The following PRKAR1A variants were observed in gnomAD, a reference collection of about 807,000 sequenced individuals.
The protein encoded by PRKAR1A is cAMP-dependent protein kinase type I-alpha regulatory subunit.
Under a neutral mutation model 52.0 loss-of-function variants are expected in PRKAR1A, and 3 were observed. That is an observed-to-expected ratio of 0.06 (90% confidence interval 0.03 to 0.15). PRKAR1A has a LOEUF of 0.15. Ranked by LOEUF, PRKAR1A falls within the 10% of genes least tolerant of loss-of-function variation. The probability of loss-of-function intolerance (pLI) is 1.00; values close to 1 mark genes in which losing one functional copy is unlikely to be tolerated. For synonymous variants in PRKAR1A, 188 were observed against 168.4 expected (o/e 1.12, Z -0.90); for missense variants, 240 against 477.4 (o/e 0.50, Z 4.63).
At chr17:68,529,012 T>C in intron 9 of PRKAR1A, 21 bp downstream of exon 9, 1 of 1,613,334 alleles carries the variant, frequency 6.2e-7, no homozygotes, top group Non-Finnish European at 8.5e-7. Flanking sequence ...CAGAATTTAA[T>C]ACTTGAATTT....
the PRKAR1A span, among the ~76,000 whole-genome samples, chr17:68,456,766 C>T: frequency 6.6e-6 from 1 of 152,166 alleles, no homozygotes; most frequent in African/African-American, 2.4e-5. Context: ...TTCTTCCATC[C>T]AGAGCGGGCA....
the PRKAR1A span, among the ~76,000 whole-genome samples, chr17:68,431,208 A>G: frequency 6.6e-6 from 1 of 152,188 alleles, no homozygotes; most frequent in Non-Finnish European, 1.5e-5. Flanking sequence ...TGCTGCACAG[A>G]TGGTCCAGGC....
intron 11 of PRKAR1A, among the ~76,000 whole-genome samples, chr17:68,549,609 T>C (rs2086739316): frequency 6.6e-6 from 1 of 152,244 alleles, no homozygotes; most frequent in South Asian, 2.1e-4. Flanking sequence ...TCATTACTTT[T>C]ATGCTTCTCA....
chr17:68,543,554 G>T, intron 11 of PRKAR1A: 1 of 1,304,452 alleles, frequency 7.7e-7, no homozygotes, highest in Non-Finnish European at 1.1e-6. Context: ...TTCCCACCTT[G>T]AGGGTCTGTC....
chr17:68,436,271 C>G, the PRKAR1A span: 1 of 934,668 alleles, frequency 1.1e-6, no homozygotes, highest in Non-Finnish European at 1.7e-6. Flanking sequence ...CCCAGTATTG[C>G]TTACTCCCAC....
the PRKAR1A span, among the ~76,000 whole-genome samples, chr17:68,434,779 C>T: frequency 6.6e-6 from 1 of 152,136 alleles, no homozygotes; most frequent in African/African-American, 2.4e-5. Flanking sequence ...ATTTATGTGC[C>T]ATATCAACAA....
chr17:68,415,603 G>C, the PRKAR1A span, among the ~76,000 whole-genome samples: 4 of 152,156 alleles, frequency 2.6e-5, no homozygotes, highest in Admixed American at 2.6e-4. Flanking sequence ...GACCTGTCTA[G>C]TGCTGTCAGT....
chr17:68,429,008 C>T, the PRKAR1A span: 16 of 1,128,638 alleles, frequency 1.4e-5, no homozygotes, highest in African/African-American at 2.3e-4. Flanking sequence ...AATGACAAAG[C>T]CCCCCTCACC....
At chr17:68,494,085 A>G in the PRKAR1A span, among the ~76,000 whole-genome samples, 1 of 152,214 alleles carries the variant, frequency 6.6e-6, no homozygotes. Flanking sequence ...TCTATATTGA[A>G]AATGTTTAAA....
In PRKAR1A at chr17:68,549,794, A is replaced by AC. The variant is rs528320209; in HGVS notation, c.974-1289dup. ...CAGCTGAGCATTGTGCCAAAGAGTC[A>AC]CATGTCTACTTGTGGAACCTCTGCT... On this transcript the variant is annotated intron_variant, in intron 11 of 11. Transcript: ENST00000585981. Among the ~76,000 whole-genome samples, 605 of 152,334 alleles carry AC rather than the reference A, an allele frequency of 4.0e-3. 10 individuals are homozygous for AC. The highest frequency in any genetic ancestry group is 0.014 in the African/African-American group (593 of 41,586).
chr17:68,515,465 C>T lies in PRKAR1A; in HGVS notation c.66C>T (p.Val22=), dbSNP rs748395923. Residue 22 remains valine (V), a synonymous_variant, in exon 2 of 11, where the codon GTC becomes GTT. Transcript: ENST00000589228. ...GCCTTCGAGAATGTGAGCTCTACGTCCAGAAGCATAACATTCAAGCGCTGC... is the reference window on the plus strand; with the variant it reads ...GCCTTCGAGAATGTGAGCTCTACGTTCAGAAGCATAACATTCAAGCGCTGC... The part of the protein sequence containing the change: ...ARSLRECELY[V]QKHNIQALLK... 1 of 1,613,622 alleles carries T rather than the reference C, an allele frequency of 6.2e-7. No homozygotes were observed.
intron 11 of PRKAR1A, chr17:68,539,886 C>T (rs748714211): frequency 6.2e-7 from 1 of 1,614,086 alleles, no homozygotes; most frequent in East Asian, 2.2e-5. Context: ...GAAGCTCACC[C>T]TCTGGCGTTG....
Position 68,539,113 on chromosome 17 carries a change from A to T in PRKAR1A, c.973+9112A>T, listed in dbSNP as rs777645095. ...AGTAAAACTGTAAAATGCAGTAAAAATACCATATTATTAATCTTATGAGAC... is the reference window on the plus strand; with the variant it reads ...AGTAAAACTGTAAAATGCAGTAAAATTACCATATTATTAATCTTATGAGAC... On this transcript the variant is annotated intron_variant, in intron 11 of 11. Coordinates refer to the PRKAR1A transcript ENST00000585981. 6.6e-4 allele frequency among the ~76,000 whole-genome samples: 100 copies of T among 152,342 alleles called. No individual in the cohort carries two copies. Among genetic ancestry groups the T allele is most frequent in the Middle Eastern group, 3.4e-3 (1 of 294 alleles).
chr17:68,527,353 G>A (rs1306485666), intron 7 of PRKAR1A, among the ~76,000 whole-genome samples: 1 of 152,134 alleles, frequency 6.6e-6, no homozygotes, highest in Non-Finnish European at 1.5e-5. Flanking sequence ...AAATACCAGC[G>A]TTGAACAGGA....
chr17:68,530,216 A>G (rs2085934158), intron 10 of PRKAR1A, 61 bp from the exon 11 acceptor site: 11 of 1,583,410 alleles, frequency 6.9e-6, no homozygotes, highest in Non-Finnish European at 8.7e-6. Context: ...TCAGAAGTGC[A>G]CTGCTTTAAG....
At chr17:68,464,556 C>T in the PRKAR1A span, among the ~76,000 whole-genome samples, 1 of 152,084 alleles carries the variant, frequency 6.6e-6, no homozygotes, top group South Asian at 2.1e-4. Context: ...TGGCACGTGC[C>T]TGTAGTCCCA....
At chr17:68,540,456 G>T in intron 11 of PRKAR1A, 1 of 468,384 alleles carries the variant, frequency 2.1e-6, no homozygotes, top group East Asian at 6.7e-5. Flanking sequence ...GTCCCTGTGG[G>T]CCTGGAAGGT....
chr17:68,465,361 G>A, the PRKAR1A span, among the ~76,000 whole-genome samples: 1 of 152,054 alleles, frequency 6.6e-6, no homozygotes, highest in Non-Finnish European at 1.5e-5. Context: ...CCTTCTGCTG[G>A]GAGCCTCCTT....
At chr17:68,465,075 G>A in the PRKAR1A span, among the ~76,000 whole-genome samples, 1 of 120,630 alleles carries the variant, frequency 8.3e-6, no homozygotes, top group Admixed American at 8.1e-5. Flanking sequence ...ACAGGCGCCC[G>A]CCACCACGCC....
Sources: gnomAD v4.1 joint callset for allele counts (sites outside exome capture counted in the v4.1 genomes callset) on GRCh38, gnomAD v4.1.1 for gene constraint, MANE v1.5 for transcripts, NCBI Gene and HGNC (gene_info 2026-07-23, HGNC 2026-07-21) for gene names.